RBFA: variants seen among roughly 807,000 people sequenced by gnomAD.
The protein encoded by RBFA is putative ribosome-binding factor A, mitochondrial.
Under a neutral mutation model 27.9 loss-of-function variants are expected in RBFA, and 16 were observed. That is an observed-to-expected ratio of 0.57 (90% CI 0.39 to 0.87). The LOEUF is 0.87. RBFA is among the 40% of genes least tolerant of loss of function. The pLI, the probability that RBFA is intolerant of heterozygous loss-of-function variation, is 0.00. For missense variants in RBFA, 456 were observed against 432.1 expected, an observed-to-expected ratio of 1.06 and a Z score of -0.49; for synonymous variants, 181 against 181.0, an observed-to-expected ratio of 1.00 and a Z score of 0.00.
chr18:80,038,999 CA>C (rs2051999900), intron 4 of RBFA, among the ~76,000 whole-genome samples: 1 of 152,234 alleles, frequency 6.6e-6, no homozygotes, highest in Non-Finnish European at 1.5e-5. Flanking sequence ...GAGTAAAAGA[CA>C]ATGTTACTTT....
chr18:80,045,189 C>T (rs1006018246), intron 6 of RBFA, among the ~76,000 whole-genome samples: 16 of 150,734 alleles, frequency 1.1e-4, no homozygotes, highest in Non-Finnish European at 2.4e-4. Context: ...TGAACTGGCC[C>T]GAGGCACTGG....
At chr18:80,039,707 C>T (rs4799125) in intron 4 of RBFA, among the ~76,000 whole-genome samples, 48,046 of 152,064 alleles carry the variant, frequency 0.32, 8,251 homozygotes, top group South Asian at 0.49. Context: ...CCTTAACAAA[C>T]GTGCTGTTGT....
intron 6 of RBFA, 63 bp from the exon 7 acceptor site, chr18:80,045,711 C>T (rs918748486): frequency 1.6e-5 from 23 of 1,475,582 alleles, no homozygotes; most frequent in East Asian, 1.2e-4. Context: ...TGTGTTGTGG[C>T]GACGACACTG....
intron 5 of RBFA, 59 bp downstream of exon 5, chr18:80,042,278 C>A: frequency 1.8e-6 from 2 of 1,133,190 alleles, no homozygotes; most frequent in Non-Finnish European, 2.5e-6. Context: ...TAATTAGAGA[C>A]AGAGTCTTGC....
chr18:80,034,435 G>T lies in RBFA; in HGVS notation c.-61G>T. The T allele has an allele frequency of 7.2e-7, 1 of 1,398,600 alleles. No homozygotes were observed. Among genetic ancestry groups the T allele is most frequent in the Non-Finnish European group, 9.3e-7 (1 of 1,079,448 alleles). 86.6% of individuals were successfully genotyped at this position (1,398,600 alleles called of 1,614,324 possible). On this transcript the variant is annotated 5_prime_UTR_variant, in exon 1 of 7. Coordinates refer to ENST00000306735, the MANE Select transcript of RBFA (RefSeq NM_024805.3). ...CCCACACGCCGCCACCCTCGCGTCAGTTGTCGCTCCGCGCCTGCGCCCGTT... is the reference window on the plus strand; with the variant it reads ...CCCACACGCCGCCACCCTCGCGTCATTTGTCGCTCCGCGCCTGCGCCCGTT...
chr18:80,038,693 G>T, intron 4 of RBFA, 76 bp downstream of exon 4: 1 of 1,057,036 alleles, frequency 9.5e-7, no homozygotes, highest in Admixed American at 2.5e-5. Flanking sequence ...ACTTGTAGGT[G>T]GACTTGAACT....
chr18:80,037,422 C>G lies in RBFA; in HGVS notation c.294C>G (p.Gly98=), dbSNP rs1486189210. 1.9e-6 allele frequency: 3 copies of G among 1,614,112 alleles called. No individual in the cohort carries two copies. Among genetic ancestry groups the G allele is most frequent in the Non-Finnish European group, 2.5e-6 (3 of 1,180,004 alleles). The change falls in exon 3 of 7, where the codon GGC becomes GGG. Residue 98 remains glycine, a synonymous_variant. Transcript: ENST00000306735. ...EDHARLRALN[G]LLYKALTDLL... is the part of the protein sequence containing the mutation. ...ATGCGCGCCTGAGGGCCCTGAACGG[C>G]CTCCTCTATAAGGCACTGACAGACC...
chr18:80,038,769 T>A, intron 4 of RBFA, 152 bp downstream of exon 4: 2 of 597,184 alleles, frequency 3.3e-6, no homozygotes, highest in Admixed American at 6.3e-5. Flanking sequence ...CATAGTATAA[T>A]TTGCATTTTT....
At chr18:80,045,643 CAGAT>C in intron 6 of RBFA, 127 bp from the exon 7 acceptor site, 3 of 1,085,756 alleles carry the variant, frequency 2.8e-6, no homozygotes, top group Non-Finnish European at 3.7e-6. Flanking sequence ...CAGTTACCCT[CAGAT>C]AGACGTTTGG....
Position 80,034,530 on chromosome 18 carries a change from G to C in RBFA, c.35G>C (p.Arg12Pro). The change falls in exon 1 of 7, where the codon CGC becomes CCC. Residue 12 changes from arginine to proline, a missense_variant. Coordinates refer to ENST00000306735, the MANE Select transcript of RBFA (RefSeq NM_024805.3). Reference sequence around the variant, plus strand: ...GCGGCGGGCGGGCTGTGGCGCTCCCGCGCGGGTCTCCGGGCCCTGTTCCGT... The same window carrying C: ...GCGGCGGGCGGGCTGTGGCGCTCCCCCGCGGGTCTCCGGGCCCTGTTCCGT... Reference protein sequence around the residue: ...WAAAGGLWRSRAGLRALFRSR... With the variant: ...WAAAGGLWRSPAGLRALFRSR... 1 of 1,588,616 alleles carries C rather than the reference G, an allele frequency of 6.3e-7. No homozygotes were observed. Among genetic ancestry groups the C allele is most frequent in the Non-Finnish European group, 8.5e-7 (1 of 1,172,476 alleles).
intron 1 of RBFA, 91 bp downstream of exon 1, chr18:80,034,744 C>G: frequency 4.6e-6 from 7 of 1,534,112 alleles, no homozygotes; most frequent in Non-Finnish European, 6.2e-6. Context: ...CGTTCTTGCG[C>G]CCATGCGGCC....
chr18:80,045,353 C>T (rs968899431), intron 6 of RBFA, among the ~76,000 whole-genome samples: 1 of 151,714 alleles, frequency 6.6e-6, no homozygotes, highest in African/African-American at 2.4e-5. Flanking sequence ...CAGCCTCCTG[C>T]GTAGCTGGGA....
In RBFA at chr18:80,042,127, T is replaced by G. The variant is rs759817498; in HGVS notation, c.492-8T>G. 6.2e-7 allele frequency: 1 copy of G among 1,603,688 alleles called. No individual in the cohort carries two copies. The highest frequency in any genetic ancestry group is 8.5e-7 in the Non-Finnish European group (1 of 1,174,050). ...CAGCTGTGAGGGTCTGTGCGTTCTG[T>G]CTCCTAGGCACCTTTTGATGTCCCA... On this transcript the variant is annotated splice_region_variant and splice_polypyrimidine_tract_variant and intron_variant, in intron 4 of 6. Coordinates refer to ENST00000306735, the MANE Select transcript of RBFA (RefSeq NM_024805.3).
At chr18:80,040,001 C>G (rs1048507832) in intron 4 of RBFA, among the ~76,000 whole-genome samples, 2 of 152,116 alleles carry the variant, frequency 1.3e-5, no homozygotes, top group African/African-American at 4.8e-5. Context: ...CCTCTGCCTC[C>G]CGGGTTCAAG....
chr18:80,034,518 TGTGGCGCTCCCGC>T lies in RBFA; in HGVS notation c.25_37del (p.Trp9ArgfsTer66). The stretch of plus-strand genomic sequence containing the variant: ...GCCATGTGGGCTGCGGCGGGCGGGC[TGTGGCGCTCCCGC>T]GCGGGTCTCCGGGCCCTGTTCCGTA... On this transcript the variant is annotated frameshift_variant, in exon 1 of 7. Transcript: ENST00000306735. LOFTEE classifies it high-confidence loss of function. The T allele has an allele frequency of 6.3e-7, 1 of 1,584,378 alleles. No individual in the cohort carries two copies. Among genetic ancestry groups the T allele is most frequent in the Non-Finnish European group, 8.5e-7 (1 of 1,170,910 alleles).
chr18:80,042,308 TTGAACTC>T, intron 5 of RBFA, 89 bp downstream of exon 5: 1 of 760,644 alleles, frequency 1.3e-6, no homozygotes, highest in Non-Finnish European at 1.9e-6. Flanking sequence ...CAGGCTAGTC[TTGAACTC>T]CTGGCCTCAA....
At position 80,034,542 on chromosome 18, in the gene RBFA, G is replaced by C. The variant is rs748690069; in HGVS notation, c.47G>C (p.Arg16Pro). The C allele has an allele frequency of 6.2e-7, 1 of 1,600,198 alleles. No individual in the cohort carries two copies. Among genetic ancestry groups the C allele is most frequent in the South Asian group, 1.1e-5 (1 of 89,546 alleles). ...GGLWRSRAGL[R>P]ALFRSRDAAL... ...CTGTGGCGCTCCCGCGCGGGTCTCC[G>C]GGCCCTGTTCCGTAGCCGCGATGCT... The change falls in exon 1 of 7, where the codon CGG becomes CCG. Residue 16 changes from arginine (R) to proline (P), a missense_variant. Physicochemically the swap from Arg to Pro is moderately radical, Grantham distance 103. Coordinates refer to ENST00000306735, the MANE Select transcript of RBFA (RefSeq NM_024805.3).
intron 1 of RBFA, 75 bp downstream of exon 1, chr18:80,034,728 C>A: frequency 6.4e-7 from 1 of 1,570,242 alleles, no homozygotes; most frequent in South Asian, 1.2e-5. Flanking sequence ...GGTGTCCGCT[C>A]ATCCGCGTTC....
chr18:80,039,475 G>A (rs2052002791), intron 4 of RBFA, among the ~76,000 whole-genome samples: 1 of 152,232 alleles, frequency 6.6e-6, no homozygotes. Flanking sequence ...GAACAGAAAA[G>A]CATCAGTGAG....
Sources: gnomAD v4.1 joint callset for allele counts (sites outside exome capture counted in the v4.1 genomes callset) on GRCh38, gnomAD v4.1.1 for gene constraint, MANE v1.5 for transcripts, NCBI Gene and HGNC (gene_info 2026-07-23, HGNC 2026-07-21) for gene names.